Variants in EML6 observed in about 807,000 individuals in gnomAD.
EML6 encodes the protein echinoderm microtubule-associated protein-like 6.
Under a neutral mutation model 240.1 loss-of-function variants are expected in EML6, and 154 were observed. The ratio of observed to expected loss-of-function variants is 0.64; its 90% CI spans 0.56 to 0.73. EML6 has a LOEUF of 0.73. EML6 is among the 30% of genes least tolerant of loss of function. EML6 has a pLI of 0.00. For missense variants in EML6, 2,964 were observed against 2,474.6 expected (o/e 1.20, Z -4.20); for synonymous variants, 1,148 against 899.0 (o/e 1.28, Z -4.95).
chr2:54,938,849 T>C (rs1167406316), intron 28 of EML6, among the ~76,000 whole-genome samples: 1 of 152,190 alleles, frequency 6.6e-6, no homozygotes, highest in Non-Finnish European at 1.5e-5. Context: ...TCTGAGGGCT[T>C]TATTTTTGGT....
chr2:54,808,748 C>T (rs1001263526), intron 2 of EML6, among the ~76,000 whole-genome samples: 1 of 152,138 alleles, frequency 6.6e-6, no homozygotes, highest in Non-Finnish European at 1.5e-5. Flanking sequence ...AAGGCTGTTT[C>T]CTTCCATGAC....
chr2:54,723,937 G>T (rs187797921), intron 1 of EML6, among the ~76,000 whole-genome samples, 160 bp downstream of exon 1: 264 of 152,318 alleles, frequency 1.7e-3, no homozygotes, highest in African/African-American at 5.9e-3. Flanking sequence ...GTGCGTCTGT[G>T]GGGGGTTGCT....
intron 25 of EML6, among the ~76,000 whole-genome samples, chr2:54,913,553 C>G (rs906682005): frequency 1.3e-5 from 2 of 152,094 alleles, no homozygotes; most frequent in Non-Finnish European, 1.5e-5. Context: ...ATATTAGACC[C>G]TTTTCAGGTG....
chr2:54,924,078 A>G (rs1373023374), intron 26 of EML6, among the ~76,000 whole-genome samples: 2 of 152,180 alleles, frequency 1.3e-5, no homozygotes, highest in African/African-American at 4.8e-5. Flanking sequence ...TGCTATGAAC[A>G]TTTTTAGACA....
At chr2:54,814,768 G>A (rs1357617460) in intron 3 of EML6, among the ~76,000 whole-genome samples, 2 of 152,132 alleles carry the variant, frequency 1.3e-5, no homozygotes, top group Admixed American at 6.5e-5. Flanking sequence ...TTTTAAGAGA[G>A]CATCGATCAC....
At chr2:54,930,940 A>T (rs1231830720) in intron 28 of EML6, among the ~76,000 whole-genome samples, 1 of 149,662 alleles carries the variant, frequency 6.7e-6, no homozygotes, top group Non-Finnish European at 1.5e-5. Context: ...CTCAGAGATC[A>T]GACCGTAGGC....
At chr2:54,857,800 C>T (rs547475940) in intron 11 of EML6, among the ~76,000 whole-genome samples, 3 of 152,152 alleles carry the variant, frequency 2.0e-5, no homozygotes, top group African/African-American at 7.2e-5. Flanking sequence ...AAATGCCTAG[C>T]ATGTTTAGGG....
At chr2:54,928,146 A>G (rs1303891115) in intron 26 of EML6, among the ~76,000 whole-genome samples, 167 bp from the exon 27 acceptor site, 1 of 152,164 alleles carries the variant, frequency 6.6e-6, no homozygotes, top group Non-Finnish European at 1.5e-5. Flanking sequence ...CTGTTTGAAG[A>G]AAAAAGAGAC....
intron 24 of EML6, among the ~76,000 whole-genome samples, chr2:54,910,420 T>C (rs559137031): frequency 6.6e-6 from 1 of 152,362 alleles, no homozygotes; most frequent in South Asian, 2.1e-4. Context: ...GGATTTCTTT[T>C]CAAATGTTCA....
At chr2:54,926,558 C>T (rs186539265) in intron 26 of EML6, among the ~76,000 whole-genome samples, 171 of 152,330 alleles carry the variant, frequency 1.1e-3, no homozygotes, top group Middle Eastern at 0.01. Flanking sequence ...GTCTTGAGGA[C>T]GTTTCCTCCG....
chr2:54,753,909 G>T (rs1684284631), intron 2 of EML6, among the ~76,000 whole-genome samples: 1 of 151,838 alleles, frequency 6.6e-6, no homozygotes, highest in Non-Finnish European at 1.5e-5. Flanking sequence ...GACCAAGGCG[G>T]GTGGATCACG....
chr2:54,926,909 TGAGGGTGTAGA>T (rs1217234874), intron 26 of EML6, among the ~76,000 whole-genome samples: 1 of 152,200 alleles, frequency 6.6e-6, no homozygotes, highest in Non-Finnish European at 1.5e-5. Flanking sequence ...TCTTATAAGT[TGAGGGTGTAGA>T]GAGGCATTTC....
At chr2:54,918,656 TTTA>T in intron 26 of EML6, among the ~76,000 whole-genome samples, 1 of 152,206 alleles carries the variant, frequency 6.6e-6, no homozygotes, top group Middle Eastern at 3.4e-3. Context: ...TGTCATTCTG[TTTA>T]TTAATCTACA....
intron 40 of EML6, 101 bp downstream of exon 40, chr2:54,968,382 C>A: frequency 1.7e-6 from 2 of 1,147,572 alleles, no homozygotes; most frequent in Non-Finnish European, 2.5e-6. Flanking sequence ...CACAGAGAAA[C>A]CCTGTCCCGG....
chr2:54,813,254 A>T lies in EML6; in HGVS notation c.220A>T (p.Thr74Ser), dbSNP rs569855991. The change falls in exon 3 of 42, where the codon ACT (threonine) becomes TCT (serine). Residue 74 changes from threonine (T) to serine (S), a missense_variant. Transcript: ENST00000356458. ...IISLALHPDK[T>S]LVATGQVGKE... ...CAGCCTTGCCTTACACCCAGACAAAACTCTCGTTGCAACTGGCCAAGTCGG... is the reference window on the plus strand; with the variant it reads ...CAGCCTTGCCTTACACCCAGACAAATCTCTCGTTGCAACTGGCCAAGTCGG... The T allele has an allele frequency of 1.3e-6, 2 of 1,550,414 alleles. No individual in the cohort carries two copies. The highest frequency in any genetic ancestry group is 4.9e-5 in the East Asian group (2 of 40,904).
chr2:54,815,371 C>A (rs187327288), intron 3 of EML6, among the ~76,000 whole-genome samples: 1 of 152,056 alleles, frequency 6.6e-6, no homozygotes, highest in African/African-American at 2.4e-5. Context: ...TCACTGGAAT[C>A]GAATGATATT....
intron 26 of EML6, among the ~76,000 whole-genome samples, chr2:54,917,881 G>T (rs1010788865): frequency 4.6e-5 from 7 of 152,038 alleles, no homozygotes; most frequent in Non-Finnish European, 7.4e-5. Context: ...TCCTTCAACT[G>T]TCTAGTCTAG....
chr2:54,824,108 T>C (rs940693758), intron 5 of EML6, among the ~76,000 whole-genome samples: 4 of 152,140 alleles, frequency 2.6e-5, no homozygotes, highest in African/African-American at 7.2e-5. Context: ...TAACTTTTTA[T>C]TGGGTTCTAA....
chr2:54,751,327 T>G (rs1005800618), intron 2 of EML6, among the ~76,000 whole-genome samples: 2 of 152,138 alleles, frequency 1.3e-5, no homozygotes, highest in African/African-American at 2.4e-5. Context: ...GTAAAGGAGC[T>G]TGGGCATGAG....
Sources: gnomAD v4.1 joint callset for allele counts (sites outside exome capture counted in the v4.1 genomes callset) on GRCh38, gnomAD v4.1.1 for gene constraint, MANE v1.5 for transcripts, NCBI Gene and HGNC (gene_info 2026-07-23, HGNC 2026-07-21) for gene names.